Variants in STAU1 observed in about 807,000 individuals in gnomAD.
STAU1 encodes staufen double-stranded RNA binding protein 1.
STAU1 carries 13 observed loss-of-function variants against 62.9 expected under a neutral mutation model. The ratio of observed to expected loss-of-function variants is 0.21; its 90% confidence interval spans 0.13 to 0.33. The LOEUF is 0.33. Among genes scored for constraint, STAU1 ranks in the 10% least tolerant of loss-of-function variants. STAU1 has a pLI of 1.00. For missense variants in STAU1, 571 were observed against 712.1 expected, an observed-to-expected ratio of 0.80 and a Z score of 2.25; for synonymous variants, 269 against 265.1, an observed-to-expected ratio of 1.01 and a Z score of -0.14.
At chr20:49,143,096 T>A (rs1395882632) in intron 5 of STAU1, among the ~76,000 whole-genome samples, 1 of 152,144 alleles carries the variant, frequency 6.6e-6, no homozygotes, top group African/African-American at 2.4e-5. Flanking sequence ...CCACCGTGCC[T>A]GGCTCATTAA....
intron 1 of STAU1, among the ~76,000 whole-genome samples, chr20:49,178,459 C>T (rs1215577429): frequency 6.6e-6 from 1 of 151,878 alleles, no homozygotes; most frequent in Non-Finnish European, 1.5e-5. Flanking sequence ...ACTAAAAATA[C>T]AAAAATTAGG....
chr20:49,145,673 T>C (rs8116693), intron 5 of STAU1, among the ~76,000 whole-genome samples: 31,701 of 150,864 alleles, frequency 0.21, 3,441 homozygotes, highest in Non-Finnish European at 0.24. Context: ...GAGGTTGCAG[T>C]GAGCCGAGAT....
At chr20:49,131,451 T>C (rs2092747520) in intron 6 of STAU1, among the ~76,000 whole-genome samples, 1 of 152,222 alleles carries the variant, frequency 6.6e-6, no homozygotes, top group African/African-American at 2.4e-5. Context: ...AAGAGATACA[T>C]GCTGAAATAT....
intron 3 of STAU1, among the ~76,000 whole-genome samples, chr20:49,154,788 C>A (rs1269083121): frequency 4.6e-5 from 7 of 150,880 alleles, no homozygotes; most frequent in Non-Finnish European, 4.4e-5. Context: ...ATGGTGTGAA[C>A]CTGGGAGGCG....
At chr20:49,169,368 T>TC (rs2146430622) in intron 2 of STAU1, among the ~76,000 whole-genome samples, 1 of 152,274 alleles carries the variant, frequency 6.6e-6, no homozygotes, top group East Asian at 1.9e-4. Flanking sequence ...AAGGAACAAA[T>TC]TAAGTTTTTC....
At chr20:49,169,389 T>C (rs544222602) in intron 2 of STAU1, among the ~76,000 whole-genome samples, 5 of 152,192 alleles carry the variant, frequency 3.3e-5, no homozygotes, top group Non-Finnish European at 4.4e-5. Context: ...ATTACTGATA[T>C]AGATATAGTT....
chr20:49,115,735 G>A (rs755875022), intron 13 of STAU1, 47 bp downstream of exon 13: 19 of 1,509,640 alleles, frequency 1.3e-5, no homozygotes, highest in Admixed American at 3.3e-5. Context: ...ACAAACGAGG[G>A]GCAGCCTCCC....
At chr20:49,214,256 G>A in the STAU1 span, among the ~76,000 whole-genome samples, 4 of 151,696 alleles carry the variant, frequency 2.6e-5, no homozygotes, top group Admixed American at 2.6e-4. Flanking sequence ...GGTGGCTCAC[G>A]CCTGTAATCC....
intron 5 of STAU1, among the ~76,000 whole-genome samples, chr20:49,137,368 A>G (rs2092908822): frequency 6.6e-6 from 1 of 152,184 alleles, no homozygotes; most frequent in Admixed American, 6.5e-5. Flanking sequence ...ATTAAAGAGG[A>G]GCAAGGATCT....
the STAU1 span, among the ~76,000 whole-genome samples, chr20:49,206,775 GAGAC>G: frequency 1.3e-5 from 1 of 79,402 alleles, no homozygotes; most frequent in East Asian, 3.6e-4. Flanking sequence ...TTTTTTTTTT[GAGAC>G]AGAGTCTGGC....
the STAU1 span, among the ~76,000 whole-genome samples, chr20:49,200,116 G>A: frequency 5.3e-5 from 8 of 152,286 alleles, no homozygotes; most frequent in African/African-American, 1.9e-4. Flanking sequence ...ATACAACCCA[G>A]CAGTCCCAGT....
chr20:49,139,396 G>A (rs1162944108), intron 5 of STAU1, among the ~76,000 whole-genome samples: 1 of 152,090 alleles, frequency 6.6e-6, no homozygotes, highest in Non-Finnish European at 1.5e-5. Flanking sequence ...ATTAGAAAAT[G>A]GGCAAAGCAC....
At chr20:49,165,963 T>G (rs372236012) in intron 3 of STAU1, 34 bp downstream of exon 3, 21 of 1,605,980 alleles carry the variant, frequency 1.3e-5, no homozygotes, top group East Asian at 8.9e-5. Context: ...AAGAAAACAT[T>G]TGAAATAGAA....
At position 49,113,840 on chromosome 20, in the gene STAU1, A is replaced by G. The variant is rs2092241662; in HGVS notation, c.*1038T>C. 6.6e-6 allele frequency: 1 copy of G among 152,662 alleles called. No individual in the cohort carries two copies. The highest frequency in any genetic ancestry group is 2.4e-5 in the African/African-American group (1 of 41,466). 9.5% of individuals were successfully genotyped at this position (152,662 alleles called of 1,614,324 possible). A position where few individuals can be genotyped will look rare whatever the true frequency, so the allele number is the denominator to read the frequency against. ...ACATGGAGATCATATCCTGTAGTGT[A>G]GTGAAAGCTAAGTCCTCAAGAGCCA... On this transcript the variant is annotated 3_prime_UTR_variant, in exon 14 of 14. Transcript: ENST00000371856.
chr20:49,149,111 C>T (rs184432715), intron 5 of STAU1, among the ~76,000 whole-genome samples: 9 of 152,164 alleles, frequency 5.9e-5, no homozygotes, highest in African/African-American at 1.4e-4. Context: ...ATTAGCTGGG[C>T]GTGGTGGTGA....
chr20:49,184,292 T>A (rs13041213), intron 1 of STAU1, among the ~76,000 whole-genome samples: 31,142 of 149,470 alleles, frequency 0.21, 3,256 homozygotes, highest in Non-Finnish European at 0.24. Flanking sequence ...AAAAAAAAAA[T>A]TTTTTTTTTT....
the STAU1 span, among the ~76,000 whole-genome samples, chr20:49,200,555 C>T: frequency 6.6e-6 from 1 of 151,436 alleles, no homozygotes; most frequent in Non-Finnish European, 1.5e-5. Flanking sequence ...GAGCCGAGAT[C>T]GCACCACTGC....
chr20:49,181,936 C>T lies in STAU1; in HGVS notation c.-160+6180G>A, dbSNP rs62212761. On this transcript the variant is annotated intron_variant, in intron 1 of 13. Coordinates refer to ENST00000371856, the MANE Select transcript of STAU1 (RefSeq NM_017453.4). ...CAAAATTTCTATCATAATAAAATGGCCAGTTTTGCTTCCATTACTGTTATA... is the reference window on the plus strand; with the variant it reads ...CAAAATTTCTATCATAATAAAATGGTCAGTTTTGCTTCCATTACTGTTATA... Among the ~76,000 whole-genome samples the T allele has an allele frequency of 8.7e-3, 1,317 of 152,210 alleles. 12 individuals are homozygous for T. The highest frequency in any genetic ancestry group is 0.012 in the Admixed American group (185 of 15,268).
chr20:49,120,042 G>T lies in STAU1; in HGVS notation c.1053C>A (p.Ile351=), dbSNP rs754762232. The stretch of plus-strand genomic sequence containing the variant: ...GCGCCTGCGGGACTTTGAAACCAAG[G>T]ATCTCCAGCATGTTCTCGGCTGCAT... The part of the protein sequence containing the change: ...KRNAAENMLE[I]LGFKVPQAQP... Residue 351 remains isoleucine (I), a synonymous_variant, in exon 9 of 14, where the codon ATC becomes ATA. Coordinates refer to ENST00000371856, the MANE Select transcript of STAU1 (RefSeq NM_017453.4). 5 of 1,614,192 alleles carry T rather than the reference G, an allele frequency of 3.1e-6. No individual in the cohort carries two copies. In the South Asian group the frequency reaches 4.4e-5, roughly 14 times the overall value.
Sources: allele counts gnomAD v4.1 joint callset (sites outside exome capture counted in the v4.1 genomes callset), GRCh38; gene constraint gnomAD v4.1.1; transcripts MANE v1.5; gene names NCBI Gene and HGNC (gene_info 2026-07-23, HGNC 2026-07-21).